The following GALNT1 variants were observed in gnomAD, a reference collection of about 807,000 sequenced individuals.
The protein encoded by GALNT1 is polypeptide N-acetylgalactosaminyltransferase 1.
In GALNT1, 17 loss-of-function variants were observed where a neutral mutation model predicts 65.7. That is an observed-to-expected ratio of 0.26 (90% confidence interval 0.18 to 0.39). The LOEUF (loss-of-function observed/expected upper bound fraction) is 0.39, where lower values mean the gene tolerates loss of function less well. Among genes scored for constraint, GALNT1 ranks in the 10% least tolerant of loss-of-function variants. GALNT1 has a pLI of 1.00. For synonymous variants in GALNT1, 210 were observed against 219.7 expected (o/e 0.96, Z 0.39); for missense variants, 460 against 672.8 (o/e 0.68, Z 3.50).
chr18:35,688,470 T>C (rs977702699), intron 6 of GALNT1, among the ~76,000 whole-genome samples: 2 of 152,224 alleles, frequency 1.3e-5, no homozygotes, highest in African/African-American at 4.8e-5. Context: ...TTTATTTAAA[T>C]CTTCCTTCAT....
At chr18:35,620,967 G>A (rs1017992781) in intron 1 of GALNT1, among the ~76,000 whole-genome samples, 5 of 152,082 alleles carry the variant, frequency 3.3e-5, no homozygotes, top group African/African-American at 1.2e-4. Context: ...ATTACACTTG[G>A]AACAACAGTG....
intron 11 of GALNT1, among the ~76,000 whole-genome samples, chr18:35,706,654 G>A (rs776060296): frequency 2.0e-5 from 3 of 152,144 alleles, no homozygotes; most frequent in Non-Finnish European, 4.4e-5. Flanking sequence ...ATAAAGTTGA[G>A]CATTCAGGAT....
At chr18:35,678,711 A>G (rs948582995) in intron 4 of GALNT1, among the ~76,000 whole-genome samples, 1 of 152,186 alleles carries the variant, frequency 6.6e-6, no homozygotes, top group African/African-American at 2.4e-5. Flanking sequence ...GCCTTAAATG[A>G]TCTACCATTT....
At chr18:35,598,676 G>A (rs958529355) in intron 1 of GALNT1, among the ~76,000 whole-genome samples, 18 of 152,074 alleles carry the variant, frequency 1.2e-4, no homozygotes, top group Non-Finnish European at 7.4e-5. Context: ...ATTGTAAATA[G>A]TACTGCAATA....
Position 35,589,239 on chromosome 18 carries a change from CT to C in GALNT1, c.-104+7379del, listed in dbSNP as rs2046415315. ...GGAGAGGGTGTATGTGGAAGGGTGCCTTGTTACCAGCTGATGTAAATGAAAG... is the reference window on the plus strand; with the variant it reads ...GGAGAGGGTGTATGTGGAAGGGTGCCTGTTACCAGCTGATGTAAATGAAAG... On this transcript the variant is annotated intron_variant, in intron 1 of 11. Coordinates refer to ENST00000269195, the MANE Select transcript of GALNT1 (RefSeq NM_020474.4). Among the ~76,000 whole-genome samples the C allele has an allele frequency of 5.3e-5, 8 of 152,220 alleles. No homozygotes were observed. In the South Asian group the frequency reaches 1.7e-3, roughly 32 times the overall value.
At chr18:35,701,916 G>A (rs1208627021) in intron 9 of GALNT1, among the ~76,000 whole-genome samples, 1 of 152,152 alleles carries the variant, frequency 6.6e-6, no homozygotes, top group Non-Finnish European at 1.5e-5. Context: ...GCCTGTTCAT[G>A]CTGGACTCTG....
chr18:35,642,266 C>G lies in GALNT1; in HGVS notation c.-103-12294C>G, dbSNP rs1033135420. Among the ~76,000 whole-genome samples the G allele has an allele frequency of 2.0e-5, 3 of 152,126 alleles. 1 individual carries two copies. The highest frequency in any genetic ancestry group is 2.0e-4 in the Admixed American group (3 of 15,274). ...TAGAGAAATAGGTTTGCTAAGCCAG[C>G]GGAATACTATTCAGTAGTGAAATGG... On this transcript the variant is annotated intron_variant, in intron 1 of 11. Transcript: ENST00000269195.
intron 9 of GALNT1, among the ~76,000 whole-genome samples, chr18:35,696,399 T>C (rs1247251248): frequency 6.6e-6 from 1 of 152,232 alleles, no homozygotes; most frequent in Non-Finnish European, 1.5e-5. Flanking sequence ...ATGACTAGGG[T>C]AATAGATATA....
chr18:35,607,395 C>G lies in GALNT1; in HGVS notation c.-104+25533C>G, dbSNP rs1162831588. Reference sequence around the variant, plus strand: ...AGAGCCATTGTGTTTCTGCTTCCTTCTGTGATGCCTTACTCTATGGTTGTT... The same window carrying G: ...AGAGCCATTGTGTTTCTGCTTCCTTGTGTGATGCCTTACTCTATGGTTGTT... On this transcript the variant is annotated intron_variant, in intron 1 of 11. Coordinates refer to ENST00000269195, the MANE Select transcript of GALNT1 (RefSeq NM_020474.4). Among the ~76,000 whole-genome samples the G allele has an allele frequency of 2.6e-5, 4 of 152,096 alleles. No homozygotes were observed. In the East Asian group the frequency reaches 7.7e-4, roughly 29 times the overall value.
intron 3 of GALNT1, among the ~76,000 whole-genome samples, chr18:35,669,102 G>A (rs1007696083): frequency 1.3e-5 from 2 of 152,134 alleles, no homozygotes; most frequent in Non-Finnish European, 2.9e-5. Context: ...TTAGCCAGGC[G>A]TGGTGGCACG....
At chr18:35,632,894 A>G (rs193225045) in intron 1 of GALNT1, among the ~76,000 whole-genome samples, 9,378 of 152,324 alleles carry the variant, frequency 0.062, 316 homozygotes, top group South Asian at 0.076. Context: ...AAGGATATGA[A>G]CAGACACTTC....
At position 35,692,248 on chromosome 18, in the gene GALNT1, A is replaced by G; in HGVS notation, c.1227A>G (p.Lys409=). 1 of 1,608,452 alleles carries G rather than the reference A, an allele frequency of 6.2e-7. No homozygotes were observed. The highest frequency in any genetic ancestry group is 8.5e-7 in the Non-Finnish European group (1 of 1,175,380). Residue 409 remains lysine (K), a synonymous_variant, in exon 9 of 12, where the codon AAA becomes AAG. Transcript: ENST00000269195. The stretch of plus-strand genomic sequence containing the variant: ...GTCTAAGACACAAACTACAATGCAA[A>G]CCTTTTTCCTGGTACCTAGAGAATA... The part of the protein sequence containing the change: ...RVGLRHKLQC[K]PFSWYLENIY...
intron 1 of GALNT1, among the ~76,000 whole-genome samples, chr18:35,639,782 C>G (rs1156992205): frequency 6.6e-6 from 1 of 151,938 alleles, no homozygotes; most frequent in Admixed American, 6.6e-5. Context: ...TATTTAAATA[C>G]TTTTAACTAC....
chr18:35,633,191 T>G (rs2047040782), intron 1 of GALNT1, among the ~76,000 whole-genome samples: 1 of 152,182 alleles, frequency 6.6e-6, no homozygotes, highest in African/African-American at 2.4e-5. Context: ...ATCCCATTAC[T>G]TGTTATATAC....
intron 3 of GALNT1, among the ~76,000 whole-genome samples, chr18:35,664,915 T>G (rs534340850): frequency 6.6e-6 from 1 of 152,234 alleles, no homozygotes; most frequent in Non-Finnish European, 1.5e-5. Context: ...GGTAAGTACC[T>G]AGTGTGGTCC....
chr18:35,701,951 T>C (rs1460511259), intron 9 of GALNT1, among the ~76,000 whole-genome samples: 1 of 152,204 alleles, frequency 6.6e-6, no homozygotes, highest in Non-Finnish European at 1.5e-5. Context: ...ATACATTGTC[T>C]TACATAGCAT....
At chr18:35,689,130 G>A (rs1372834847) in intron 6 of GALNT1, 43 bp from the exon 7 acceptor site, 8 of 1,276,936 alleles carry the variant, frequency 6.3e-6, no homozygotes, top group South Asian at 2.4e-5. Flanking sequence ...CTGATTGATT[G>A]TAAATTTTAA....
rs550168868 is a variant in GALNT1 at position 35,641,450 on chromosome 18, G to A, written c.-103-13110G>A. 3.9e-5 allele frequency among the ~76,000 whole-genome samples: 6 copies of A among 152,028 alleles called. No homozygotes were observed. The East Asian group carries it at 7.7e-4, about 20-fold the overall frequency. On this transcript the variant is annotated intron_variant, in intron 1 of 11. Transcript: ENST00000269195. ...CAGAGGGAGACCCTGTCTCCAAAAC[G>A]CTGGGAAAAGATACTGCAGTACATT...
chr18:35,585,364 T>C (rs775729602), intron 1 of GALNT1, among the ~76,000 whole-genome samples: 3 of 152,230 alleles, frequency 2.0e-5, no homozygotes, highest in Admixed American at 6.5e-5. Context: ...ATAGATTTGC[T>C]CAAGGTCTTT....
Sources: gnomAD v4.1 joint callset for allele counts (sites outside exome capture counted in the v4.1 genomes callset) on GRCh38, gnomAD v4.1.1 for gene constraint, MANE v1.5 for transcripts, NCBI Gene and HGNC (gene_info 2026-07-23, HGNC 2026-07-21) for gene names.